Variants in PMS2 observed in about 807,000 individuals in gnomAD.
PMS2 encodes mismatch repair endonuclease PMS2.
Under a neutral mutation model 90.0 loss-of-function variants are expected in PMS2, and 69 were observed. That is an observed-to-expected ratio of 0.77 (90% CI 0.63 to 0.94). The LOEUF (loss-of-function observed/expected upper bound fraction) is 0.94, where lower values mean the gene tolerates loss of function less well. Ranked by LOEUF, PMS2 falls within the 40% of genes least tolerant of loss-of-function variation. The pLI is 0.00. For synonymous variants in PMS2, 332 were observed against 375.1 expected (o/e 0.89, Z 1.33); for missense variants, 966 against 1,040.2 (o/e 0.93, Z 0.98).
upstream of PMS2, chr7:6,009,073 C>A (rs1326231927): frequency 1.9e-6 from 3 of 1,598,706 alleles, no homozygotes; most frequent in Admixed American, 5.0e-5. Context: ...CCAGGGCTCC[C>A]ACAGGCGCTC....
chr7:5,995,784 C>A, intron 7 of PMS2, 151 bp from the exon 8 acceptor site: 1 of 684,444 alleles, frequency 1.5e-6, no homozygotes. Context: ...TATCTGTGCT[C>A]CAAATCTTGA....
chr7:5,992,914 T>C (rs928160925), intron 8 of PMS2, among the ~76,000 whole-genome samples: 4 of 152,204 alleles, frequency 2.6e-5, no homozygotes, highest in Admixed American at 6.5e-5. Context: ...ATATTCAATG[T>C]ACATAGAAAA....
chr7:6,006,315 A>T (rs943867348), intron 1 of PMS2, among the ~76,000 whole-genome samples: 1 of 152,200 alleles, frequency 6.6e-6, no homozygotes, highest in African/African-American at 2.4e-5. Flanking sequence ...GTATCTCTCA[A>T]ATTACCAAAA....
intron 1 of PMS2, among the ~76,000 whole-genome samples, chr7:6,008,079 G>C (rs1786061570): frequency 3.3e-5 from 5 of 152,066 alleles, no homozygotes; most frequent in Admixed American, 2.6e-4. Flanking sequence ...GGCTGGTCAT[G>C]AACTCCTGAC....
intron 8 of PMS2, among the ~76,000 whole-genome samples, chr7:5,994,307 G>T (rs1388770360): frequency 1.3e-5 from 2 of 151,738 alleles, no homozygotes; most frequent in African/African-American, 4.8e-5. Context: ...CTTGAACTCG[G>T]GAGGTGGAGG....
chr7:5,986,561 G>C (rs183115951), intron 11 of PMS2, among the ~76,000 whole-genome samples, 198 bp downstream of exon 11: 1 of 151,008 alleles, frequency 6.6e-6, no homozygotes, highest in Non-Finnish European at 1.5e-5. Context: ...GCATGGTGGC[G>C]TGCACCTGTA....
rs535684771 is a variant in PMS2, at chr7:5,998,882, C to T, written c.705+226G>A. ...GGAGCATGCTTGTAATCCCACTACT[C>T]GGGAGGCTGAGGCAGGAGAATTGCT... On this transcript the variant is annotated intron_variant, in intron 6 of 14. Transcript: ENST00000265849. 8.6e-5 allele frequency among the ~76,000 whole-genome samples: 13 copies of T among 150,800 alleles called. 1 individual carries two copies. In the East Asian group the frequency reaches 1.6e-3, roughly 18 times the overall value.
chr7:5,991,324 T>C (rs577565107), intron 9 of PMS2, among the ~76,000 whole-genome samples: 2 of 151,898 alleles, frequency 1.3e-5, no homozygotes, highest in East Asian at 1.9e-4. Flanking sequence ...TTTTAAGGTA[T>C]GTACATATGT....
chr7:5,994,854 C>A (rs1245138769), intron 8 of PMS2, among the ~76,000 whole-genome samples: 1 of 152,008 alleles, frequency 6.6e-6, no homozygotes, highest in Non-Finnish European at 1.5e-5. Context: ...AATGTCCCAT[C>A]TCAGCCTTGC....
intron 9 of PMS2, among the ~76,000 whole-genome samples, chr7:5,990,814 G>A (rs1783653008): frequency 6.6e-6 from 1 of 152,144 alleles, no homozygotes; most frequent in South Asian, 2.1e-4. Context: ...AGGAGTTCAA[G>A]ACCAGCCTGG....
chr7:5,994,672 AG>A (rs1000116954), intron 8 of PMS2, among the ~76,000 whole-genome samples: 1 of 151,696 alleles, frequency 6.6e-6, no homozygotes, highest in Non-Finnish European at 1.5e-5. Flanking sequence ...GCTACTCGGG[AG>A]GCTGAGGCAG....
At position 5,978,419 on chromosome 7, in the gene PMS2, C is replaced by T. The variant is rs1277277437; in HGVS notation, c.2275+177G>A. ...CTGAGTAGCTGGGATTACAGGCACC[C>T]GCCACCACGCCCGGCTACTTTTTGT... On this transcript the variant is annotated intron_variant, in intron 13 of 14. Coordinates refer to ENST00000265849, the MANE Select transcript of PMS2 (RefSeq NM_000535.7). Among the ~76,000 whole-genome samples the T allele has an allele frequency of 4.7e-5, 7 of 148,420 alleles. No individual in the cohort carries two copies. In the East Asian group the frequency reaches 8.0e-4, roughly 17 times the overall value.
intron 7 of PMS2, among the ~76,000 whole-genome samples, chr7:5,996,618 C>T (rs1474006868): frequency 7.6e-6 from 1 of 131,566 alleles, no homozygotes; most frequent in Non-Finnish European, 1.6e-5. Context: ...TATATACACA[C>T]AGATAGATAG....
intron 8 of PMS2, 125 bp downstream of exon 8, chr7:5,995,409 G>T: frequency 1.4e-6 from 1 of 705,692 alleles, no homozygotes; most frequent in Non-Finnish European, 2.6e-6. Flanking sequence ...CACAAAATAA[G>T]ATAATGTTAA....
At chr7:5,993,431 G>GT (rs72564347) in intron 8 of PMS2, among the ~76,000 whole-genome samples, 2 of 146,654 alleles carry the variant, frequency 1.4e-5, no homozygotes, top group Non-Finnish European at 3.0e-5. Flanking sequence ...GAGGTACAAT[G>GT]TGTTGCTAAG....
intron 7 of PMS2, among the ~76,000 whole-genome samples, chr7:5,996,679 G>A (rs977600986): frequency 9.4e-5 from 14 of 148,674 alleles, no homozygotes; most frequent in African/African-American, 3.2e-4. Context: ...TTTCTTATAC[G>A]AAAAGTAATG....
chr7:5,990,745 G>A (rs1235440738), intron 9 of PMS2, among the ~76,000 whole-genome samples: 1 of 152,146 alleles, frequency 6.6e-6, no homozygotes, highest in Non-Finnish European at 1.5e-5. Context: ...GAGTGCAGTG[G>A]CTCACACCCT....
chr7:5,973,508 A>C lies in PMS2; in HGVS notation c.2480T>G (p.Met827Arg), dbSNP rs2128658626. The change falls in exon 15 of 15, where the codon ATG becomes AGG. Residue 827 changes from methionine to arginine, a missense_variant. Coordinates refer to ENST00000265849, the MANE Select transcript of PMS2 (RefSeq NM_000535.7). ...CCCCATGTGGGTGATCAGTTTCTTC[A>C]TCTCGCTTGTGTTAAGAGCAGTCCC... ...MIGTALNTSE[M>R]KKLITHMGEM... 2 of 629,824 alleles carry C rather than the reference A, an allele frequency of 3.2e-6. No homozygotes were observed. The highest frequency in any genetic ancestry group is 5.4e-6 in the Non-Finnish European group (2 of 370,392). 39.0% of individuals were successfully genotyped at this position (629,824 alleles called of 1,614,324 possible). A position where few individuals can be genotyped will look rare whatever the true frequency, so the allele number is the denominator to read the frequency against.
chr7:5,985,234 A>G (rs1782725171), intron 11 of PMS2, among the ~76,000 whole-genome samples: 1 of 150,472 alleles, frequency 6.6e-6, no homozygotes, highest in Non-Finnish European at 1.5e-5. Flanking sequence ...AGTACCTGGG[A>G]CTACAGGCGT....
Sources: allele counts gnomAD v4.1 joint callset (sites outside exome capture counted in the v4.1 genomes callset), GRCh38; gene constraint gnomAD v4.1.1; transcripts MANE v1.5; gene names NCBI Gene and HGNC (gene_info 2026-07-23, HGNC 2026-07-21).